Variants in IL5 observed in about 807,000 individuals in gnomAD.
The protein encoded by IL5 is interleukin 5.
IL5 carries 12 observed loss-of-function variants against 16.3 expected under a neutral mutation model. That is an observed-to-expected ratio of 0.74 (90% CI 0.47 to 1.20). IL5 has a LOEUF of 1.20. Ranked by LOEUF, IL5 falls within the 50% of genes most tolerant of loss-of-function variation. IL5 has a pLI of 0.00. For synonymous variants in IL5, 54 were observed against 56.6 expected, an observed-to-expected ratio of 0.95 and a Z score of 0.21; for missense variants, 159 against 153.9, an observed-to-expected ratio of 1.03 and a Z score of -0.17.
chr5:132,546,245 A>G (rs1012897845), upstream of IL5, among the ~76,000 whole-genome samples: 2 of 152,134 alleles, frequency 1.3e-5, no homozygotes, highest in African/African-American at 4.8e-5. Flanking sequence ...TGTGTGACAA[A>G]TCTCCAGGAC....
exon 1 of IL5, chr5:132,556,739 T>C: frequency 8.2e-7 from 1 of 1,226,232 alleles, no homozygotes; most frequent in African/African-American, 1.6e-5. Context: ...GGATCAAGCT[T>C]TGGGAAGCGC....
At chr5:132,543,731 T>C, upstream of IL5, 1 of 321,596 alleles carries the variant, frequency 3.1e-6, no homozygotes, top group Admixed American at 4.4e-5. Flanking sequence ...TTACGAAGAA[T>C]CTTTGGGTTA....
chr5:132,542,030 G>A lies in IL5; in HGVS notation c.291C>T (p.Tyr97=), dbSNP rs1342706750. 1.2e-6 allele frequency: 2 copies of A among 1,613,858 alleles called. No homozygotes were observed. Among genetic ancestry groups the A allele is most frequent in the East Asian group, 2.2e-5 (1 of 44,832 alleles). ...LFKNLSLIKK[Y]IDGQKKKCGE... is the part of the protein sequence containing the mutation. The stretch of plus-strand genomic sequence containing the variant: ...TGTAACTTACTTTTTGGCCGTCAAT[G>A]TATTTCTTTATTAAGGACAAGTTTT... The change falls in exon 3 of 4, where the codon TAC becomes TAT. Residue 97 remains tyrosine, a synonymous_variant. Coordinates refer to ENST00000231454, the MANE Select transcript of IL5 (RefSeq NM_000879.3).
chr5:132,546,961 T>A (rs1749805127), upstream of IL5, among the ~76,000 whole-genome samples: 1 of 152,044 alleles, frequency 6.6e-6, no homozygotes, highest in Non-Finnish European at 1.5e-5. Context: ...GGGAGGTGGA[T>A]GTTGCAGTGA....
intron 2 of IL5, 80 bp from the exon 3 acceptor site, chr5:132,542,223 T>A: frequency 1.2e-6 from 1 of 865,310 alleles, no homozygotes. Flanking sequence ...CTGCAATGTA[T>A]ACATACTTCA....
intron 1 of IL5, among the ~76,000 whole-genome samples, chr5:132,550,325 C>CTTT (rs539567798): frequency 2.9e-5 from 4 of 138,148 alleles, no homozygotes; most frequent in African/African-American, 5.4e-5. Context: ...AAAAAGAAAT[C>CTTT]TTTTTTTTTT....
chr5:132,549,348 C>T (rs1222725288), intron 1 of IL5, among the ~76,000 whole-genome samples: 1 of 152,186 alleles, frequency 6.6e-6, no homozygotes, highest in Non-Finnish European at 1.5e-5. Context: ...GCCACCGTGC[C>T]CGGCCTCAAG....
At chr5:132,556,676 C>T (rs544154542) in exon 1 of IL5, 2 of 1,258,284 alleles carry the variant, frequency 1.6e-6, no homozygotes, top group African/African-American at 3.2e-5. Context: ...GAACTGACCC[C>T]GCTTCCTGGG....
intron 1 of IL5, among the ~76,000 whole-genome samples, chr5:132,553,865 G>A (rs139425611): frequency 8.9e-4 from 131 of 146,812 alleles, no homozygotes; most frequent in African/African-American, 3.1e-3. Flanking sequence ...CGTGAACCCG[G>A]GAGGCGGAGC....
At chr5:132,543,197 T>G in intron 1 of IL5, 71 bp from the exon 2 acceptor site, 1 of 1,479,340 alleles carries the variant, frequency 6.8e-7, no homozygotes, top group Non-Finnish European at 9.4e-7. Flanking sequence ...GAATGTTTGC[T>G]GGTGATGTAG....
intron 1 of IL5, among the ~76,000 whole-genome samples, chr5:132,553,111 G>A (rs533226681): frequency 1.3e-5 from 2 of 152,246 alleles, no homozygotes; most frequent in African/African-American, 2.4e-5. Context: ...CATTGGGGTG[G>A]TATGTATCTC....
In IL5 at chr5:132,542,041, T is replaced by C; in HGVS notation, c.280A>G (p.Ile94Val). ...VERLFKNLSL[I>V]KKYIDGQKKK... ...TTTTGGCCGTCAATGTATTTCTTTA[T>C]TAAGGACAAGTTTTTGAATAGTCTT... The change falls in exon 3 of 4, where the codon ATA becomes GTA. Residue 94 changes from isoleucine to valine, a missense_variant. Transcript: ENST00000231454. 2 of 1,614,058 alleles carry C rather than the reference T, an allele frequency of 1.2e-6. No homozygotes were observed. Among genetic ancestry groups the C allele is most frequent in the Non-Finnish European group, 1.7e-6 (2 of 1,179,930 alleles).
At chr5:132,555,676 C>T (rs901168411) in intron 1 of IL5, among the ~76,000 whole-genome samples, 12 of 152,232 alleles carry the variant, frequency 7.9e-5, no homozygotes, top group East Asian at 1.9e-4. Context: ...CCACCATGCC[C>T]GGCTAATTTT....
intron 1 of IL5, among the ~76,000 whole-genome samples, chr5:132,552,649 T>G (rs1419630844): frequency 1.3e-5 from 2 of 152,202 alleles, no homozygotes; most frequent in Non-Finnish European, 2.9e-5. Context: ...CATGACACAC[T>G]ATCACTAATA....
At chr5:132,545,918 AAAAC>A (rs573189792), upstream of IL5, among the ~76,000 whole-genome samples, 107 of 152,200 alleles carry the variant, frequency 7.0e-4, 3 homozygotes, top group East Asian at 0.014. Flanking sequence ...AGACTGTCTC[AAAAC>A]AAACAAACAA....
intron 1 of IL5, among the ~76,000 whole-genome samples, chr5:132,554,542 A>G (rs2149828108): frequency 6.6e-6 from 1 of 152,318 alleles, no homozygotes; most frequent in Admixed American, 6.5e-5. Context: ...ACATAAAATA[A>G]CAAGTGTTGG....
intron 1 of IL5, among the ~76,000 whole-genome samples, chr5:132,552,161 C>T (rs1018566416): frequency 4.6e-5 from 7 of 151,866 alleles, no homozygotes; most frequent in Non-Finnish European, 8.8e-5. Flanking sequence ...CCCAGCTACT[C>T]AGGAGGCTGA....
upstream of IL5, among the ~76,000 whole-genome samples, chr5:132,545,852 G>A (rs139727455): frequency 0.02 from 3,004 of 152,170 alleles, 78 homozygotes; most frequent in African/African-American, 0.061. Context: ...CTCAGGAGGC[G>A]GAGGTTGCAG....
At chr5:132,543,068 T>C (rs754523453) in intron 2 of IL5, 26 bp downstream of exon 2, 3 of 1,523,336 alleles carry the variant, frequency 2.0e-6, no homozygotes, top group Non-Finnish European at 2.7e-6. Flanking sequence ...CATGCCATCA[T>C]TTTACTGAAT....
Sources: gnomAD v4.1 joint callset for allele counts (sites outside exome capture counted in the v4.1 genomes callset) on GRCh38, gnomAD v4.1.1 for gene constraint, MANE v1.5 for transcripts, NCBI Gene and HGNC (gene_info 2026-07-23, HGNC 2026-07-21) for gene names.